PDE4D: variants seen among roughly 807,000 people sequenced by gnomAD.
PDE4D encodes 3',5'-cyclic-AMP phosphodiesterase 4D.
In PDE4D, 24 loss-of-function variants were observed where a neutral mutation model predicts 87.4. That is an observed-to-expected ratio of 0.27 (90% CI 0.20 to 0.39). PDE4D has a LOEUF of 0.39. Among genes scored for constraint, PDE4D ranks in the 10% least tolerant of loss-of-function variants. PDE4D has a pLI of 1.00. For missense variants in PDE4D, 714 were observed against 1,041.0 expected (o/e 0.69, Z 4.32); for synonymous variants, 384 against 383.2 (o/e 1.00, Z -0.02).
intron 1 of PDE4D, among the ~76,000 whole-genome samples, chr5:59,836,685 C>A (rs570822743): frequency 6.6e-6 from 1 of 151,032 alleles, no homozygotes; most frequent in Non-Finnish European, 1.5e-5. Context: ...ATCTATCTAC[C>A]TATCTATCTA....
rs542284379 is a variant in PDE4D, at chr5:60,105,122, T to C, written c.42+80435A>G. Among the ~76,000 whole-genome samples, 60 of 152,294 alleles carry C rather than the reference T, an allele frequency of 3.9e-4. No homozygotes were observed. In the Middle Eastern group the frequency reaches 0.01, roughly 26 times the overall value. ...GAAGTTGAAAACTTTGAAAAAAATT[T>C]AGACGAACGTATAGCTAGAATAACC... On this transcript the variant is annotated intron_variant, in intron 2 of 16. Coordinates refer to the PDE4D transcript ENST00000502484.
chr5:60,104,228 G>C (rs1037123180), intron 2 of PDE4D, among the ~76,000 whole-genome samples: 3 of 152,230 alleles, frequency 2.0e-5, no homozygotes, highest in African/African-American at 7.2e-5. Flanking sequence ...TGGCTTGGAG[G>C]GTCCTACGCC....
intron 1 of PDE4D, among the ~76,000 whole-genome samples, chr5:60,223,349 A>G (rs1276945182): frequency 2.0e-5 from 3 of 152,142 alleles, no homozygotes; most frequent in Non-Finnish European, 4.4e-5. Context: ...TTAGAAGGAA[A>G]TCAATGGTAA....
At chr5:60,283,263 C>T (rs1752112438) in intron 1 of PDE4D, among the ~76,000 whole-genome samples, 1 of 152,012 alleles carries the variant, frequency 6.6e-6, no homozygotes. Flanking sequence ...CATCTTTTGT[C>T]TTATTTTGTC....
chr5:59,047,355 CAGGT>C (rs1228840747), intron 5 of PDE4D, among the ~76,000 whole-genome samples: 1 of 152,154 alleles, frequency 6.6e-6, no homozygotes, highest in African/African-American at 2.4e-5. Flanking sequence ...AAGCTACAAA[CAGGT>C]AGGGATATAA....
chr5:60,275,353 T>C, intron 1 of PDE4D, among the ~76,000 whole-genome samples: 1 of 152,072 alleles, frequency 6.6e-6, no homozygotes, highest in East Asian at 1.9e-4. Context: ...TGTTCTTTAA[T>C]ATAAGATAAA....
chr5:59,728,017 CCTA>C (rs1756852477), intron 1 of PDE4D, among the ~76,000 whole-genome samples: 1 of 152,070 alleles, frequency 6.6e-6, no homozygotes, highest in Non-Finnish European at 1.5e-5. Context: ...ACACACGTGA[CCTA>C]ATAATAATAG....
Position 58,980,173 on chromosome 5 carries a change from G to C in PDE4D, c.1553-2828C>G, listed in dbSNP as rs150011230. Reference sequence around the variant, plus strand: ...GTAAGTCTTTGTGTCCTTGGGATAGGCTGGGGGATAGAAAATGTCCCTTGG... The same window carrying C: ...GTAAGTCTTTGTGTCCTTGGGATAGCCTGGGGGATAGAAAATGTCCCTTGG... On this transcript the variant is annotated intron_variant, in intron 11 of 14. Coordinates refer to ENST00000340635, the MANE Select transcript of PDE4D (RefSeq NM_001104631.2). 3.9e-3 allele frequency among the ~76,000 whole-genome samples: 600 copies of C among 152,286 alleles called. 4 individuals are homozygous for C. Among genetic ancestry groups the C allele is most frequent in the African/African-American group, 0.014 (564 of 41,564 alleles).
At chr5:59,543,247 A>C (rs906534521) in intron 1 of PDE4D, among the ~76,000 whole-genome samples, 1 of 152,288 alleles carries the variant, frequency 6.6e-6, no homozygotes, top group Non-Finnish European at 1.5e-5. Context: ...GAGAAAGTAG[A>C]TTACACTATC....
chr5:59,768,810 A>G (rs1046293668), intron 1 of PDE4D, among the ~76,000 whole-genome samples: 2 of 152,224 alleles, frequency 1.3e-5, no homozygotes, highest in Non-Finnish European at 2.9e-5. Context: ...TGTCCGTGCT[A>G]CAAAGCAGCC....
intron 2 of PDE4D, among the ~76,000 whole-genome samples, chr5:60,056,182 G>T: frequency 6.6e-6 from 1 of 151,998 alleles, no homozygotes; most frequent in East Asian, 1.9e-4. Flanking sequence ...TTTCTTCATT[G>T]TAAGTAAGAT....
chr5:60,096,274 G>C (rs1298746059), intron 2 of PDE4D, among the ~76,000 whole-genome samples: 1 of 151,978 alleles, frequency 6.6e-6, no homozygotes, highest in Non-Finnish European at 1.5e-5. Flanking sequence ...ACAACCATCT[G>C]ATCTTTGAAA....
chr5:60,455,110 A>C (rs1016740441), intron 1 of PDE4D, among the ~76,000 whole-genome samples: 4 of 152,152 alleles, frequency 2.6e-5, no homozygotes, highest in Non-Finnish European at 4.4e-5. Flanking sequence ...ATTATAGGGT[A>C]TAAAATTTTA....
At chr5:59,881,835 T>A (rs2152746376) in intron 1 of PDE4D, among the ~76,000 whole-genome samples, 1 of 152,284 alleles carries the variant, frequency 6.6e-6, no homozygotes, top group African/African-American at 2.4e-5. Context: ...CACTATATGG[T>A]ATTATGACAG....
At chr5:59,204,050 C>T (rs1215359980) in intron 2 of PDE4D, among the ~76,000 whole-genome samples, 3 of 152,024 alleles carry the variant, frequency 2.0e-5, no homozygotes, top group Non-Finnish European at 2.9e-5. Flanking sequence ...AGGTGATGGA[C>T]CTGTTAATTG....
At chr5:59,542,862 G>A (rs997916777) in intron 1 of PDE4D, among the ~76,000 whole-genome samples, 1 of 152,124 alleles carries the variant, frequency 6.6e-6, no homozygotes, top group Admixed American at 6.6e-5. Context: ...ACATCATTCA[G>A]GCCTCAGAGA....
rs1166893788 is a variant in PDE4D, at chr5:59,397,359, A to T, written c.456-181391T>A. 2.5e-5 allele frequency among the ~76,000 whole-genome samples: 3 copies of T among 122,264 alleles called. 1 individual carries two copies. The highest frequency in any genetic ancestry group is 5.2e-5 in the Non-Finnish European group (3 of 57,206). 80.2% of individuals were successfully genotyped at this position (122,264 alleles called of 152,430 possible). A position where few individuals can be genotyped will look rare whatever the true frequency, so the allele number is the denominator to read the frequency against. ...AGCTTTCCTCAGCAAATGTAAAAGAACAGAAATTATAACAAACTATCTCTC... is the reference window on the plus strand; with the variant it reads ...AGCTTTCCTCAGCAAATGTAAAAGATCAGAAATTATAACAAACTATCTCTC... On this transcript the variant is annotated intron_variant, in intron 1 of 14. Transcript: ENST00000340635.
chr5:60,210,613 C>T (rs191735827), intron 1 of PDE4D, among the ~76,000 whole-genome samples: 3 of 152,182 alleles, frequency 2.0e-5, no homozygotes, highest in East Asian at 3.9e-4. Flanking sequence ...AAAAAGGATA[C>T]ACCCCCCTCC....
chr5:59,234,666 T>A (rs1352094754), intron 1 of PDE4D, among the ~76,000 whole-genome samples: 1 of 152,186 alleles, frequency 6.6e-6, no homozygotes, highest in Non-Finnish European at 1.5e-5. Context: ...ATGTTAAATG[T>A]AGTTACTTTT....
Sources: gnomAD v4.1 joint callset for allele counts (sites outside exome capture counted in the v4.1 genomes callset) on GRCh38, gnomAD v4.1.1 for gene constraint, MANE v1.5 for transcripts, NCBI Gene and HGNC (gene_info 2026-07-23, HGNC 2026-07-21) for gene names.